Variants in TNFRSF21 observed in about 807,000 individuals in gnomAD.
TNFRSF21 encodes TNF receptor superfamily member 21.
In TNFRSF21, 19 loss-of-function variants were observed where a neutral mutation model predicts 45.6. The observed-to-expected ratio is 0.42, with a 90% CI of 0.29 to 0.61. The LOEUF is 0.61. Ranked by LOEUF, TNFRSF21 falls within the 20% of genes least tolerant of loss-of-function variation. TNFRSF21 has a pLI of 0.23. For missense variants in TNFRSF21, 737 were observed against 851.5 expected, an observed-to-expected ratio of 0.87 and a Z score of 1.67; for synonymous variants, 314 against 335.5, an observed-to-expected ratio of 0.94 and a Z score of 0.70.
intron 4 of TNFRSF21, among the ~76,000 whole-genome samples, chr6:47,243,392 T>C (rs1462610448): frequency 2.0e-5 from 3 of 152,222 alleles, no homozygotes; most frequent in African/African-American, 7.2e-5. Flanking sequence ...TATATGTATA[T>C]ATTTTTGCAA....
intron 1 of TNFRSF21, among the ~76,000 whole-genome samples, chr6:47,290,943 C>T (rs1476947827): frequency 6.6e-6 from 1 of 151,582 alleles, no homozygotes; most frequent in South Asian, 2.1e-4. Context: ...CTGGGATGAA[C>T]AAAAAAAGAA....
chr6:47,285,721 T>G lies in TNFRSF21; in HGVS notation c.748+223A>C, dbSNP rs551808977. ...TATTTTATAGCTTGATGTGACCTAG[T>G]TTTTAGATATCTGATCTCCCCTAAC... On this transcript the variant is annotated intron_variant, in intron 2 of 5. Coordinates refer to ENST00000296861, the MANE Select transcript of TNFRSF21 (RefSeq NM_014452.5). Among the ~76,000 whole-genome samples, 5 of 152,308 alleles carry G rather than the reference T, an allele frequency of 3.3e-5. No homozygotes were observed. The East Asian group carries it at 5.8e-4, about 18-fold the overall frequency.
chr6:47,234,879 G>C lies in TNFRSF21; in HGVS notation c.1529C>G (p.Ala510Gly). The C allele has an allele frequency of 1.4e-6, 2 of 1,388,100 alleles. No individual in the cohort carries two copies. Among genetic ancestry groups the C allele is most frequent in the Non-Finnish European group, 1.9e-6 (2 of 1,070,364 alleles). 86.0% of individuals were successfully genotyped at this position (1,388,100 alleles called of 1,614,324 possible). Reference sequence around the variant, plus strand: ...AAGCGGGCTGGGGCTCATCGGGAGAGCTAGTTTGTCAGTTTCCAGCTGTAG... The same window carrying C: ...AAGCGGGCTGGGGCTCATCGGGAGACCTAGTTTGTCAGTTTCCAGCTGTAG... ...DTTQLETDKL[A>G]LPMSPSPLSP... The change falls in exon 5 of 6, where the codon GCT (alanine) becomes GGT (glycine). Residue 510 changes from alanine to glycine, a missense_variant. Transcript: ENST00000296861.
chr6:47,307,936 C>T (rs1762962765), intron 1 of TNFRSF21, among the ~76,000 whole-genome samples: 1 of 152,156 alleles, frequency 6.6e-6, no homozygotes, highest in African/African-American at 2.4e-5. Flanking sequence ...AGTTCTCACT[C>T]CACTGAACTA....
At chr6:47,248,422 C>T (rs1310489129) in intron 4 of TNFRSF21, among the ~76,000 whole-genome samples, 8 of 151,880 alleles carry the variant, frequency 5.3e-5, no homozygotes, top group Admixed American at 2.6e-4. Context: ...CTAGCCAAGG[C>T]GCAGGGAAAG....
chr6:47,287,901 A>C (rs1467373183), intron 1 of TNFRSF21, among the ~76,000 whole-genome samples: 8 of 152,250 alleles, frequency 5.3e-5, no homozygotes, highest in Non-Finnish European at 1.0e-4. Context: ...TGATAAAATT[A>C]AGTCTTGGTG....
chr6:47,297,452 T>C (rs1382786674), intron 1 of TNFRSF21, among the ~76,000 whole-genome samples: 1 of 152,108 alleles, frequency 6.6e-6, no homozygotes, highest in Non-Finnish European at 1.5e-5. Flanking sequence ...ATCTTTTAGT[T>C]TTTTACTTTT....
At chr6:47,298,162 GAT>G (rs1364643413) in intron 1 of TNFRSF21, among the ~76,000 whole-genome samples, 1 of 151,702 alleles carries the variant, frequency 6.6e-6, no homozygotes, top group Non-Finnish European at 1.5e-5. Context: ...AGTCCCATGA[GAT>G]ATTAATGATT....
rs552151562 is a variant in TNFRSF21, at chr6:47,234,890, A to G, written c.1518T>C (p.Thr506=). The change falls in exon 5 of 6, where the codon ACT becomes ACC. Residue 506 remains threonine (T), a synonymous_variant. Coordinates refer to ENST00000296861, the MANE Select transcript of TNFRSF21 (RefSeq NM_014452.5). Reference sequence around the variant, plus strand: ...GGCTCATCGGGAGAGCTAGTTTGTCAGTTTCCAGCTGTAGGAGGGAAAATT... The same window carrying G: ...GGCTCATCGGGAGAGCTAGTTTGTCGGTTTCCAGCTGTAGGAGGGAAAATT... The part of the protein sequence containing the change: ...GLMEDTTQLE[T]DKLALPMSPS... 4 of 1,370,888 alleles carry G rather than the reference A, an allele frequency of 2.9e-6. No individual in the cohort carries two copies. The highest frequency in any genetic ancestry group is 3.1e-5 in the African/African-American group (2 of 65,222). 84.9% of individuals were successfully genotyped at this position (1,370,888 alleles called of 1,614,324 possible). A position where few individuals can be genotyped will look rare whatever the true frequency, so the allele number is the denominator to read the frequency against.
intron 3 of TNFRSF21, among the ~76,000 whole-genome samples, chr6:47,258,675 G>C (rs899857430): frequency 6.6e-6 from 1 of 152,132 alleles, no homozygotes; most frequent in Non-Finnish European, 1.5e-5. Context: ...CTGACCTCAA[G>C]TGATCTGCCC....
At chr6:47,305,736 T>G (rs1379046971) in intron 1 of TNFRSF21, among the ~76,000 whole-genome samples, 1 of 152,236 alleles carries the variant, frequency 6.6e-6, no homozygotes, top group African/African-American at 2.4e-5. Context: ...CAAATAGCCC[T>G]CTATCTGGAA....
intron 1 of TNFRSF21, among the ~76,000 whole-genome samples, chr6:47,295,917 AAGCTC>A (rs1762784560): frequency 6.6e-6 from 1 of 152,238 alleles, no homozygotes; most frequent in Non-Finnish European, 1.5e-5. Context: ...GGAAGGAGGC[AAGCTC>A]AGGGGACACT....
chr6:47,241,975 G>T (rs1412605916), intron 4 of TNFRSF21, among the ~76,000 whole-genome samples: 1 of 151,996 alleles, frequency 6.6e-6, no homozygotes, highest in African/African-American at 2.4e-5. Flanking sequence ...GGACAGCGAG[G>T]GCCATCTGCT....
intron 1 of TNFRSF21, among the ~76,000 whole-genome samples, chr6:47,296,131 CT>C (rs1452761174): frequency 6.6e-6 from 1 of 152,116 alleles, no homozygotes; most frequent in Admixed American, 6.5e-5. Context: ...TATTTAGTCA[CT>C]AAGCAGTAAG....
intron 1 of TNFRSF21, among the ~76,000 whole-genome samples, chr6:47,298,886 G>T (rs944981972): frequency 6.6e-6 from 1 of 152,172 alleles, no homozygotes; most frequent in Non-Finnish European, 1.5e-5. Context: ...AGCAGGCCCT[G>T]CAGGACAGCT....
intron 4 of TNFRSF21, among the ~76,000 whole-genome samples, chr6:47,242,862 T>C (rs537281790): frequency 4.9e-4 from 75 of 152,262 alleles, no homozygotes; most frequent in Non-Finnish European, 9.7e-4. Flanking sequence ...GAGGAGATCA[T>C]GCTCCATTGG....
At chr6:47,278,887 C>T (rs936294719) in intron 3 of TNFRSF21, among the ~76,000 whole-genome samples, 2 of 152,186 alleles carry the variant, frequency 1.3e-5, no homozygotes, top group African/African-American at 4.8e-5. Context: ...CAGGTAACTA[C>T]GTGAAGTGGG....
intron 1 of TNFRSF21, among the ~76,000 whole-genome samples, chr6:47,299,791 C>T (rs1166197646): frequency 6.6e-6 from 1 of 152,144 alleles, no homozygotes; most frequent in Non-Finnish European, 1.5e-5. Flanking sequence ...CCAATATTGG[C>T]AGGCTTGTGG....
At chr6:47,269,809 T>C (rs1342902012) in intron 3 of TNFRSF21, among the ~76,000 whole-genome samples, 1 of 152,222 alleles carries the variant, frequency 6.6e-6, no homozygotes, top group African/African-American at 2.4e-5. Context: ...GCTAAAGATA[T>C]ACCCTGTGGA....
Sources: allele counts gnomAD v4.1 joint callset (sites outside exome capture counted in the v4.1 genomes callset), GRCh38; gene constraint gnomAD v4.1.1; transcripts MANE v1.5; gene names NCBI Gene and HGNC (gene_info 2026-07-23, HGNC 2026-07-21).